The following TENM2 variants were observed in gnomAD, a reference collection of about 807,000 sequenced individuals.
TENM2 encodes the protein teneurin-2.
A neutral mutation model predicts 245.2 loss-of-function variants in TENM2; 52 were observed. The observed-to-expected ratio is 0.21, with a 90% CI of 0.17 to 0.27. TENM2 has a LOEUF of 0.27. TENM2 is among the 10% of genes least tolerant of loss of function. The probability of loss-of-function intolerance (pLI) is 1.00; values close to 1 mark genes in which losing one functional copy is unlikely to be tolerated. For synonymous variants in TENM2, 1,363 were observed against 1,438.9 expected, an observed-to-expected ratio of 0.95 and a Z score of 1.19; for missense variants, 3,046 against 3,666.8, an observed-to-expected ratio of 0.83 and a Z score of 4.37.
chr5:168,162,451 C>T (rs1035227110), intron 12 of TENM2, among the ~76,000 whole-genome samples, 160 bp from the exon 15 acceptor site: 1 of 152,190 alleles, frequency 6.6e-6, no homozygotes, highest in Non-Finnish European at 1.5e-5. Flanking sequence ...CTACTGCATG[C>T]GTTGCCTGCT....
At chr5:167,993,037 C>G (rs1382783947) in exon 5 of TENM2, 2 of 1,614,012 alleles carry the variant, frequency 1.2e-6, no homozygotes, top group East Asian at 2.2e-5. Context: ...TTTACACGCC[C>G]CCGCCCCGCC....
At chr5:167,864,379 C>T (rs928981366) in intron 2 of TENM2, among the ~76,000 whole-genome samples, 1 of 152,150 alleles carries the variant, frequency 6.6e-6, no homozygotes, top group Non-Finnish European at 1.5e-5. Flanking sequence ...AATAGAACAC[C>T]TATCTCTTAC....
the TENM2 span, among the ~76,000 whole-genome samples, chr5:167,018,489 C>T: frequency 6.6e-6 from 1 of 151,668 alleles, no homozygotes; most frequent in Non-Finnish European, 1.5e-5. Flanking sequence ...AATGAAGGTT[C>T]ATTATGATCA....
rs139085450 is a variant in TENM2, at chr5:168,224,854, C to T, written c.5109-1234C>T. ...CTGGGAGAGCTCAAAGGCCTGGAAA[C>T]GAGCCTGCTTTCCTTTCCTGGGTGT... On this transcript the variant is annotated intron_variant, in intron 23 of 28. Coordinates refer to ENST00000518659, the Ensembl canonical transcript of TENM2. Among the ~76,000 whole-genome samples the T allele has an allele frequency of 6.6e-5, 10 of 152,300 alleles. No homozygotes were observed. In the East Asian group the frequency reaches 1.7e-3, roughly 26 times the overall value.
the TENM2 span, among the ~76,000 whole-genome samples, chr5:167,214,545 C>T: frequency 1.3e-5 from 2 of 152,210 alleles, no homozygotes; most frequent in Non-Finnish European, 2.9e-5. Context: ...ACATCAATGT[C>T]GCTGTCACAA....
chr5:167,789,182 T>A (rs1378254440), intron 2 of TENM2, among the ~76,000 whole-genome samples: 3 of 152,204 alleles, frequency 2.0e-5, no homozygotes. Context: ...AAATAATTTC[T>A]AGACAAAAAT....
At chr5:167,548,900 G>T (rs904577406) in intron 2 of TENM2, among the ~76,000 whole-genome samples, 3 of 152,164 alleles carry the variant, frequency 2.0e-5, no homozygotes, top group African/African-American at 7.2e-5. Flanking sequence ...GTTGTAAAAT[G>T]TTCTTTGCTA....
the TENM2 span, among the ~76,000 whole-genome samples, chr5:167,267,389 CT>C: frequency 6.6e-6 from 1 of 152,098 alleles, no homozygotes; most frequent in African/African-American, 2.4e-5. Context: ...AGAGTGGCCC[CT>C]TATTTTTATA....
At chr5:167,202,380 C>T in the TENM2 span, among the ~76,000 whole-genome samples, 1 of 152,112 alleles carries the variant, frequency 6.6e-6, no homozygotes, top group Non-Finnish European at 1.5e-5. Flanking sequence ...CACCCCATCA[C>T]CTTGCTCAGC....
intron 2 of TENM2, among the ~76,000 whole-genome samples, chr5:167,801,905 G>GACACAAAC (rs1554121135): frequency 1.3e-5 from 2 of 149,264 alleles, no homozygotes; most frequent in African/African-American, 4.9e-5. Context: ...CACACACACA[G>GACACAAAC]ACACACACAC....
At chr5:168,027,666 A>G (rs1219417056) in intron 5 of TENM2, among the ~76,000 whole-genome samples, 1 of 152,240 alleles carries the variant, frequency 6.6e-6, no homozygotes, top group East Asian at 1.9e-4. Context: ...AGAAAAGTCA[A>G]GTTGAACTGT....
At chr5:167,560,308 C>T (rs1363968942) in intron 2 of TENM2, among the ~76,000 whole-genome samples, 1 of 152,144 alleles carries the variant, frequency 6.6e-6, no homozygotes, top group Admixed American at 6.6e-5. Flanking sequence ...CTTTTATTAC[C>T]TATTTCTGTA....
chr5:168,064,323 G>A (rs10080048), intron 7 of TENM2, among the ~76,000 whole-genome samples: 2,640 of 152,198 alleles, frequency 0.017, 80 homozygotes, highest in African/African-American at 0.06. Flanking sequence ...TCTGGGCATC[G>A]CTGAGCATAA....
At chr5:167,234,001 A>G in the TENM2 span, among the ~76,000 whole-genome samples, 1 of 150,452 alleles carries the variant, frequency 6.6e-6, no homozygotes, top group East Asian at 1.9e-4. Flanking sequence ...AAAACACTCA[A>G]CAATGCCCAG....
At chr5:168,226,295 A>G in intron 24 of TENM2, 32 bp downstream of exon 26, 4 of 1,598,562 alleles carry the variant, frequency 2.5e-6, no homozygotes, top group East Asian at 2.2e-5. Flanking sequence ...CCTACCCCCA[A>G]ACTCACCCAT....
At chr5:167,966,940 T>C (rs1042585448) in intron 4 of TENM2, 2 of 152,222 alleles carry the variant, frequency 1.3e-5, no homozygotes, top group African/African-American at 4.8e-5. Context: ...TGGAAATTAA[T>C]GAGACCTTTA....
At chr5:167,702,540 A>ATG (rs1554102837) in intron 2 of TENM2, among the ~76,000 whole-genome samples, 8,839 of 123,180 alleles carry the variant, frequency 0.072, 562 homozygotes, top group East Asian at 0.27. Flanking sequence ...GTATGTATGT[A>ATG]TGTGTGTGTG....
chr5:167,977,583 G>A (rs1782536215), intron 4 of TENM2, among the ~76,000 whole-genome samples: 1 of 152,178 alleles, frequency 6.6e-6, no homozygotes, highest in Non-Finnish European at 1.5e-5. Flanking sequence ...TCTAAGGTAT[G>A]AAATATTTTG....
At chr5:167,467,160 G>T (rs922118164) in intron 2 of TENM2, among the ~76,000 whole-genome samples, 4 of 152,144 alleles carry the variant, frequency 2.6e-5, no homozygotes, top group African/African-American at 7.2e-5. Flanking sequence ...CTGGAGAGAG[G>T]TGATTGGAAC....
Sources: gnomAD v4.1 joint callset for allele counts (sites outside exome capture counted in the v4.1 genomes callset) on GRCh38, gnomAD v4.1.1 for gene constraint, MANE v1.5 for transcripts, NCBI Gene and HGNC (gene_info 2026-07-23, HGNC 2026-07-21) for gene names.